The following TSC22D1 variants were observed in gnomAD, a reference collection of about 807,000 sequenced individuals.
TSC22D1 encodes TSC22 domain family member 1.
Under a neutral mutation model 74.2 loss-of-function variants are expected in TSC22D1, and 9 were observed. The observed-to-expected ratio is 0.12, with a 90% CI of 0.07 to 0.21. The LOEUF is 0.21. TSC22D1 is among the 10% of genes least tolerant of loss of function. TSC22D1 has a pLI of 1.00. For missense variants in TSC22D1, 1,427 were observed against 1,304.7 expected (o/e 1.09, Z -1.44); for synonymous variants, 586 against 492.5 (o/e 1.19, Z -2.51).
intron 1 of TSC22D1, among the ~76,000 whole-genome samples, chr13:44,543,036 G>A (rs1881574407): frequency 6.6e-6 from 1 of 151,932 alleles, no homozygotes; most frequent in Admixed American, 6.6e-5. Context: ...TACCTCAAAT[G>A]GCTGTTATAG....
intron 1 of TSC22D1, chr13:44,537,644 A>G (rs1282580008): frequency 2.0e-6 from 2 of 984,610 alleles, no homozygotes; most frequent in East Asian, 2.3e-4. Flanking sequence ...TCTTATTAAC[A>G]TTTACTAAAA....
intron 1 of TSC22D1, among the ~76,000 whole-genome samples, chr13:44,446,937 A>C (rs992747134): frequency 6.6e-6 from 1 of 152,048 alleles, no homozygotes; most frequent in Non-Finnish European, 1.5e-5. Context: ...GTAGTAAAAA[A>C]CACATAAAAT....
At chr13:44,551,380 A>AATCAG (rs1882240349) in intron 1 of TSC22D1, among the ~76,000 whole-genome samples, 1 of 121,326 alleles carries the variant, frequency 8.2e-6, no homozygotes, top group Non-Finnish European at 1.8e-5. Context: ...CCAAAACCCC[A>AATCAG]ATCAGATGGG....
chr13:44,484,111 CAAAT>C (rs1387162098), intron 1 of TSC22D1, among the ~76,000 whole-genome samples: 1 of 152,004 alleles, frequency 6.6e-6, no homozygotes, highest in Non-Finnish European at 1.5e-5. Context: ...AATTTGCTAA[CAAAT>C]AAAACAGACA....
rs772545564 is a variant in TSC22D1 at position 44,575,698 on chromosome 13, C to G, written c.377G>C (p.Ser126Thr). 26 of 1,614,214 alleles carry G rather than the reference C, an allele frequency of 1.6e-5. No individual in the cohort carries two copies. The highest frequency in any genetic ancestry group is 1.9e-5 in the Non-Finnish European group (23 of 1,180,034). ...GTCCTCTGCTATACTGTTGTTAGAG[C>G]TGATACTAGCGGAGATCTGAGCAGG... ...VTPAQISASI[S>T]SNNSIAEDTE... Residue 126 changes from serine to threonine, a missense_variant, in exon 1 of 3, where the codon AGC becomes ACC. By Grantham distance (58) the Ser-to-Thr change is moderately conservative. Coordinates refer to ENST00000458659, the MANE Select transcript of TSC22D1 (RefSeq NM_183422.4).
chr13:44,551,311 GTGT>G (rs1882228597), intron 1 of TSC22D1, among the ~76,000 whole-genome samples: 1 of 30,996 alleles, frequency 3.2e-5, no homozygotes, highest in African/African-American at 9.3e-5. Context: ...TCAGCTGGGG[GTGT>G]GTGTGTGTGT....
At chr13:44,504,601 C>CAAAAAAAAAA (rs10577341) in intron 1 of TSC22D1, among the ~76,000 whole-genome samples, 1 of 97,554 alleles carries the variant, frequency 1.0e-5, no homozygotes, top group Non-Finnish European at 2.0e-5. Flanking sequence ...GAGACTGTCT[C>CAAAAAAAAAA]AAAAAAAAAA....
chr13:44,435,508 C>A (rs1034066286), intron 2 of TSC22D1, among the ~76,000 whole-genome samples: 16 of 152,120 alleles, frequency 1.1e-4, no homozygotes, highest in South Asian at 6.2e-4. Context: ...ACGGCCAAGG[C>A]GGAAATAAAA....
intron 1 of TSC22D1, among the ~76,000 whole-genome samples, chr13:44,531,996 A>G (rs1048324805): frequency 6.6e-6 from 1 of 152,214 alleles, no homozygotes; most frequent in Non-Finnish European, 1.5e-5. Context: ...CAGTCACATA[A>G]CAAGTGTCTC....
chr13:44,510,378 G>A (rs1389647338), intron 1 of TSC22D1, among the ~76,000 whole-genome samples: 1 of 151,740 alleles, frequency 6.6e-6, no homozygotes, highest in Non-Finnish European at 1.5e-5. Context: ...AGCAACAAGA[G>A]TGAAACTCCG....
chr13:44,539,855 G>C (rs929806721), intron 1 of TSC22D1: 1 of 1,289,548 alleles, frequency 7.8e-7, no homozygotes, highest in African/African-American at 1.5e-5. Context: ...GACGTCAAAA[G>C]CTCTCCGTGG....
chr13:44,496,022 G>T (rs1878958520), intron 1 of TSC22D1, among the ~76,000 whole-genome samples: 1 of 152,170 alleles, frequency 6.6e-6, no homozygotes, highest in African/African-American at 2.4e-5. Context: ...ACATCAAAAT[G>T]AAAGATAACC....
intron 1 of TSC22D1, among the ~76,000 whole-genome samples, chr13:44,554,626 G>A (rs1208898159): frequency 3.6e-5 from 2 of 56,182 alleles, no homozygotes; most frequent in Non-Finnish European, 6.7e-5. Flanking sequence ...CCCAATACCA[G>A]GAACAAAAAA....
In TSC22D1 at chr13:44,434,703, G is replaced by C. The variant is rs138879683; in HGVS notation, c.3145C>G (p.Pro1049Ala). The C allele has an allele frequency of 3.7e-6, 6 of 1,611,506 alleles. No individual in the cohort carries two copies. Among genetic ancestry groups the C allele is most frequent in the East Asian group, 2.2e-5 (1 of 44,872 alleles). Reference sequence around the variant, plus strand: ...GTGCCCTGTGGCTGGGTGGTGGCAGGGGGGGAGCCAGTCTGCAGCTGGGCC... The same window carrying C: ...GTGCCCTGTGGCTGGGTGGTGGCAGCGGGGGAGCCAGTCTGCAGCTGGGCC... Reference protein sequence around the residue: ...FQAQLQTGSPPATTQPQGTTQ... With the variant: ...FQAQLQTGSPAATTQPQGTTQ... Residue 1049 changes from proline to alanine, a missense_variant, in exon 3 of 3, where the codon CCT (proline) becomes GCT (alanine). Physicochemically the swap from Pro to Ala is conservative, Grantham distance 27. This residue lies in a region of TSC22D1 where 63 missense variants were observed against 50.5 expected (regional missense o/e 1.25). Coordinates refer to ENST00000458659, the MANE Select transcript of TSC22D1 (RefSeq NM_183422.4).
At chr13:44,476,672 T>C (rs995599935) in intron 1 of TSC22D1, among the ~76,000 whole-genome samples, 1 of 152,136 alleles carries the variant, frequency 6.6e-6, no homozygotes, top group African/African-American at 2.4e-5. Flanking sequence ...TCAAATTTCT[T>C]TTTATATTTT....
intron 1 of TSC22D1, among the ~76,000 whole-genome samples, chr13:44,541,841 G>A (rs1881488365): frequency 6.6e-6 from 1 of 151,994 alleles, no homozygotes; most frequent in African/African-American, 2.4e-5. Flanking sequence ...AGAGGAAAAA[G>A]GCTTAAAATC....
At chr13:44,451,618 T>C (rs1876140185) in intron 1 of TSC22D1, 1 of 152,238 alleles carries the variant, frequency 6.6e-6, no homozygotes, top group African/African-American at 2.4e-5. Flanking sequence ...GCACAATTAA[T>C]AGCAGTTATT....
At chr13:44,455,949 G>A (rs535581987) in intron 1 of TSC22D1, among the ~76,000 whole-genome samples, 3 of 151,738 alleles carry the variant, frequency 2.0e-5, no homozygotes, top group East Asian at 3.9e-4. Context: ...CGTAAAGAAA[G>A]TCCAAAGACC....
intron 1 of TSC22D1, among the ~76,000 whole-genome samples, chr13:44,450,944 G>A (rs985480008): frequency 1.3e-5 from 2 of 152,204 alleles, no homozygotes; most frequent in African/African-American, 4.8e-5. Flanking sequence ...AGACACCTGA[G>A]TTTTCTGTGG....
Sources: allele counts gnomAD v4.1 joint callset (sites outside exome capture counted in the v4.1 genomes callset), GRCh38; gene constraint gnomAD v4.1.1; regional missense constraint gnomAD v4.1.1; transcripts MANE v1.5; gene names NCBI Gene and HGNC (gene_info 2026-07-23, HGNC 2026-07-21).